Variants in HOMER3 observed in about 807,000 individuals in gnomAD.
HOMER3 encodes the protein homer scaffold protein 3, also known as homer protein homolog 3.
HOMER3 carries 34 observed loss-of-function variants against 45.5 expected under a neutral mutation model. The observed-to-expected ratio is 0.75, with a 90% CI of 0.57 to 1.00. The LOEUF (loss-of-function observed/expected upper bound fraction) is 1.00, where lower values mean the gene tolerates loss of function less well. Ranked by LOEUF, HOMER3 falls within the 50% of genes least tolerant of loss-of-function variation. HOMER3 has a pLI of 0.00. For missense variants in HOMER3, 480 were observed against 497.5 expected (o/e 0.96, Z 0.33); for synonymous variants, 223 against 208.8 (o/e 1.07, Z -0.58).
chr19:18,931,955 CG>C lies in HOMER3; in HGVS notation c.690+20del. On this transcript the variant is annotated intron_variant, in intron 7 of 9. Coordinates refer to ENST00000392351, the MANE Select transcript of HOMER3 (RefSeq NM_004838.4). ...TTGCCCGGGCCAGGTGGGGGTCTCT[CG>C]GAGGGAGGGGTGCCCTCACCCGCTG... The C allele has an allele frequency of 2.0e-6, 3 of 1,507,436 alleles. No individual in the cohort carries two copies. Among genetic ancestry groups the C allele is most frequent in the Non-Finnish European group, 2.7e-6 (3 of 1,128,992 alleles). The allele number at this position is 1,507,436 out of a possible 1,614,324, so 93.4% of individuals were successfully genotyped here.
Position 18,934,308 on chromosome 19 carries a change from G to A in HOMER3, c.406C>T (p.His136Tyr). Residue 136 changes from histidine (H) to tyrosine (Y), a missense_variant, in exon 5 of 10, where the codon CAC (histidine) becomes TAC (tyrosine). His to Tyr is a moderately conservative substitution (Grantham distance 83). Transcript: ENST00000392351. ...LTSPALGLAS[H>Y]QVPPSPLVSA... The stretch of plus-strand genomic sequence containing the variant: ...GGGGAGTAGGGAGTGCTGACCTGGT[G>A]GGAGGCGAGCCCCAGGGCTGGACTG... 1.3e-6 allele frequency: 2 copies of A among 1,521,528 alleles called. No homozygotes were observed. The highest frequency in any genetic ancestry group is 2.6e-5 in the East Asian group (1 of 39,110). 94.3% of individuals were successfully genotyped at this position (1,521,528 alleles called of 1,614,324 possible). A position where few individuals can be genotyped will look rare whatever the true frequency, so the allele number is the denominator to read the frequency against.
intron 4 of HOMER3, among the ~76,000 whole-genome samples, chr19:18,937,597 G>A (rs562198965): frequency 4.8e-4 from 72 of 150,516 alleles, no homozygotes; most frequent in Non-Finnish European, 8.0e-4. Flanking sequence ...GCTTGAACCC[G>A]GGAGGTGGAG....
Position 18,938,474 on chromosome 19 carries a change from TTGA to T in HOMER3, c.179_181del (p.Ile60del). ...GGTCATGTTGGGAGTGACAGTGCTGTTGATGATGGCCTAGGGTCGGGGAACAAA... is the reference window on the plus strand; with the variant it reads ...GGTCATGTTGGGAGTGACAGTGCTGTTGATGGCCTAGGGTCGGGGAACAAA... On this transcript the variant is annotated inframe_deletion, in exon 4 of 10. Coordinates refer to ENST00000392351, the MANE Select transcript of HOMER3 (RefSeq NM_004838.4). The T allele has an allele frequency of 6.2e-7, 1 of 1,613,778 alleles. No homozygotes were observed. The highest frequency in any genetic ancestry group is 8.5e-7 in the Non-Finnish European group (1 of 1,179,678).
intron 9 of HOMER3, among the ~76,000 whole-genome samples, 197 bp from the exon 10 acceptor site, chr19:18,929,831 GAGA>G (rs1042959918): frequency 1.3e-4 from 20 of 152,210 alleles, no homozygotes; most frequent in Admixed American, 3.3e-4. Flanking sequence ...GTTTGTTTTT[GAGA>G]AGGAGTTTCG....
At chr19:18,931,912 G>T in intron 7 of HOMER3, 64 bp downstream of exon 7, 1 of 1,456,962 alleles carries the variant, frequency 6.9e-7, no homozygotes, top group Non-Finnish European at 9.0e-7. Flanking sequence ...GGGAACTGCC[G>T]AGGCGCGGTC....
intron 5 of HOMER3, among the ~76,000 whole-genome samples, chr19:18,933,339 G>A (rs1470929272): frequency 6.6e-6 from 1 of 152,174 alleles, no homozygotes; most frequent in African/African-American, 2.4e-5. Context: ...AACCTGTAAG[G>A]TAGGGGAGGG....
At chr19:18,931,487 A>T in intron 8 of HOMER3, 22 bp downstream of exon 8, 1 of 1,612,404 alleles carries the variant, frequency 6.2e-7, no homozygotes, top group Non-Finnish European at 8.5e-7. Context: ...GGCGAGGCCC[A>T]GGAACCACAC....
chr19:18,930,480 G>A (rs2145117914), intron 9 of HOMER3, among the ~76,000 whole-genome samples: 1 of 150,452 alleles, frequency 6.6e-6, no homozygotes, highest in Non-Finnish European at 1.5e-5. Context: ...CCTGGGAGGC[G>A]GAGCTTGCGC....
Position 18,938,570 on chromosome 19 carries a change from T to C in HOMER3, c.172-86A>G. ...CCAGGTATTACCTTGTATTAGGGTC[T>C]TGAAGGTCTTTACTCTGAACCCTTT... On this transcript the variant is annotated intron_variant, in intron 3 of 9. Transcript: ENST00000392351. The C allele has an allele frequency of 2.6e-6, 4 of 1,528,836 alleles. No homozygotes were observed. The South Asian group carries it at 4.8e-5, about 18-fold the overall frequency. 94.7% of individuals were successfully genotyped at this position (1,528,836 alleles called of 1,614,324 possible). A position where few individuals can be genotyped will look rare whatever the true frequency, so the allele number is the denominator to read the frequency against.
In HOMER3 at chr19:18,939,027, T is replaced by C. The variant is rs776993357; in HGVS notation, c.-45A>G. 2.6e-6 allele frequency: 4 copies of C among 1,535,958 alleles called. No homozygotes were observed. Among genetic ancestry groups the C allele is most frequent in the Middle Eastern group, 2.3e-4 (1 of 4,382 alleles). ...AGGCTCTAGGGGGCAGCCAGAGAGG[T>C]GGCAGGAGCACTGGTTTGGCCCCTA... On this transcript the variant is annotated 5_prime_UTR_variant, in exon 2 of 10. Transcript: ENST00000392351.
chr19:18,935,586 A>T (rs1188394212), intron 4 of HOMER3, among the ~76,000 whole-genome samples: 1 of 152,194 alleles, frequency 6.6e-6, no homozygotes, highest in Non-Finnish European at 1.5e-5. Context: ...TAATCATCTC[A>T]TTCTTGTTTT....
chr19:18,933,971 G>A (rs2057065226), intron 5 of HOMER3, among the ~76,000 whole-genome samples: 1 of 152,098 alleles, frequency 6.6e-6, no homozygotes, highest in Non-Finnish European at 1.5e-5. Context: ...CTCCCAAATT[G>A]CTGGGATTAC....
At chr19:18,935,154 G>C (rs1031279312) in intron 4 of HOMER3, among the ~76,000 whole-genome samples, 4 of 136,846 alleles carry the variant, frequency 2.9e-5, no homozygotes, top group Non-Finnish European at 6.2e-5. Context: ...TTTTTTTTTG[G>C]GGGGGGACAG....
At chr19:18,932,207 C>T in intron 6 of HOMER3, 75 bp from the exon 7 acceptor site, 6 of 141,752 alleles carry the variant, frequency 4.2e-5, no homozygotes, top group Non-Finnish European at 8.5e-5. Flanking sequence ...GGCTAGGGGG[C>T]GGGGCCAGGG....
intron 6 of HOMER3, 25 bp downstream of exon 6, chr19:18,932,899 C>A: frequency 1.5e-6 from 2 of 1,301,282 alleles, no homozygotes; most frequent in Non-Finnish European, 2.0e-6. Flanking sequence ...CCGCCCCTGC[C>A]ACGCCCCCAA....
chr19:18,939,315 C>T (rs2057129892), intron 1 of HOMER3: 2 of 298,488 alleles, frequency 6.7e-6, no homozygotes, highest in Non-Finnish European at 6.2e-6. Flanking sequence ...GTGGCATGTG[C>T]CTGCCGTCCC....
Position 18,932,015 on chromosome 19 carries a change from C to T in HOMER3, c.651G>A (p.Leu217=), listed in dbSNP as rs1455939515. ...NAAAAQWRQQ[L]EAQRAEAERL... ...GCTCGGCCTCTGCACGCTGAGCCTC[C>T]AGCTGCTGCCTCCACTGGGCTGCGG... Residue 217 remains leucine (L), a synonymous_variant, in exon 7 of 10, where the codon CTG becomes CTA. Coordinates refer to ENST00000392351, the MANE Select transcript of HOMER3 (RefSeq NM_004838.4). 3 of 1,547,790 alleles carry T rather than the reference C, an allele frequency of 1.9e-6. No homozygotes were observed. Among genetic ancestry groups the T allele is most frequent in the East Asian group, 2.4e-5 (1 of 40,924 alleles).
chr19:18,929,255 CA>C lies in HOMER3; in HGVS notation c.*187del, dbSNP rs767866991. 1.3e-6 allele frequency: 1 copy of C among 770,474 alleles called. No individual in the cohort carries two copies. Among genetic ancestry groups the C allele is most frequent in the Non-Finnish European group, 2.4e-6 (1 of 423,600 alleles). The allele number at this position is 770,474 out of a possible 1,614,324, so 47.7% of individuals were successfully genotyped here. A position where few individuals can be genotyped will look rare whatever the true frequency, so the allele number is the denominator to read the frequency against. On this transcript the variant is annotated 3_prime_UTR_variant, in exon 10 of 10. Transcript: ENST00000392351. ...TAGAAATTCTACACAATGAGAAGCT[CA>C]AAAACAGCCCCAAAGCTGCCAACAA...
At chr19:18,937,224 TC>T (rs1362093494) in intron 4 of HOMER3, among the ~76,000 whole-genome samples, 3 of 145,918 alleles carry the variant, frequency 2.1e-5, no homozygotes, top group African/African-American at 7.7e-5. Context: ...GGTGGGAGGA[TC>T]CCTTGTGCCC....
Sources: gnomAD v4.1 joint callset for allele counts (sites outside exome capture counted in the v4.1 genomes callset) on GRCh38, gnomAD v4.1.1 for gene constraint, MANE v1.5 for transcripts, NCBI Gene and HGNC (gene_info 2026-07-23, HGNC 2026-07-21) for gene names.